Variants in SAMD12 observed in about 807,000 individuals in gnomAD.
SAMD12 encodes sterile alpha motif domain-containing protein 12.
Under a neutral mutation model 15.0 loss-of-function variants are expected in SAMD12, and 9 were observed. The ratio of observed to expected loss-of-function variants is 0.60; its 90% CI spans 0.36 to 1.05. The LOEUF (loss-of-function observed/expected upper bound fraction) is 1.05, where lower values mean the gene tolerates loss of function less well. SAMD12 is among the 50% of genes least tolerant of loss of function. The probability of loss-of-function intolerance (pLI) is 0.01; values close to 1 mark genes in which losing one functional copy is unlikely to be tolerated. For missense variants in SAMD12, 230 were observed against 234.2 expected, an observed-to-expected ratio of 0.98 and a Z score of 0.12; for synonymous variants, 86 against 90.1, an observed-to-expected ratio of 0.96 and a Z score of 0.25.
chr8:118,310,778 C>A (rs28558308), intron 4 of SAMD12, among the ~76,000 whole-genome samples: 73 of 152,156 alleles, frequency 4.8e-4, no homozygotes, highest in Admixed American at 9.2e-4. Flanking sequence ...CAACAATTTC[C>A]TAAGCATCTA....
At chr8:118,504,836 G>C (rs1376302561) in intron 2 of SAMD12, among the ~76,000 whole-genome samples, 1 of 152,168 alleles carries the variant, frequency 6.6e-6, no homozygotes, top group Non-Finnish European at 1.5e-5. Context: ...AGAGGCAAGG[G>C]ACAGATTCTC....
At chr8:118,424,084 G>A (rs1326340111) in intron 3 of SAMD12, among the ~76,000 whole-genome samples, 2 of 151,968 alleles carry the variant, frequency 1.3e-5, no homozygotes, top group Admixed American at 6.6e-5. Flanking sequence ...AACACACTGG[G>A]CAAGGCAAAA....
At chr8:118,592,292 C>T (rs1827601576) in intron 1 of SAMD12, among the ~76,000 whole-genome samples, 1 of 151,778 alleles carries the variant, frequency 6.6e-6, no homozygotes, top group South Asian at 2.1e-4. Flanking sequence ...AAAAGAAAAG[C>T]AAATAGAGGA....
At chr8:118,412,200 T>C (rs975604487) in intron 3 of SAMD12, among the ~76,000 whole-genome samples, 1 of 152,090 alleles carries the variant, frequency 6.6e-6, no homozygotes, top group African/African-American at 2.4e-5. Flanking sequence ...CAGACCTGTG[T>C]CTTTTGTGGT....
chr8:118,447,511 G>A (rs1028055903), intron 2 of SAMD12, among the ~76,000 whole-genome samples: 1 of 151,654 alleles, frequency 6.6e-6, no homozygotes, highest in Non-Finnish European at 1.5e-5. Context: ...CACCATGTTG[G>A]CCAGGTTGGT....
chr8:118,429,632 G>C (rs1166865456), intron 3 of SAMD12, among the ~76,000 whole-genome samples: 1 of 152,160 alleles, frequency 6.6e-6, no homozygotes, highest in Non-Finnish European at 1.5e-5. Context: ...GGTGGCTCAT[G>C]CCTGTAATCC....
chr8:118,328,950 T>A (rs1425822353), intron 4 of SAMD12, among the ~76,000 whole-genome samples: 3 of 152,186 alleles, frequency 2.0e-5, no homozygotes, highest in African/African-American at 7.2e-5. Context: ...AAGAAAAAGC[T>A]TCTCCTCAGC....
intron 2 of SAMD12, among the ~76,000 whole-genome samples, chr8:118,564,677 G>C (rs559021746): frequency 6.6e-6 from 1 of 152,194 alleles, no homozygotes; most frequent in Non-Finnish European, 1.5e-5. Flanking sequence ...TACAGCCTAA[G>C]AGTATGCAGC....
intron 4 of SAMD12, among the ~76,000 whole-genome samples, chr8:118,339,562 C>T (rs2450317): frequency 0.7 from 106,131 of 152,184 alleles, 38,008 homozygotes; most frequent in African/African-American, 0.86. Flanking sequence ...CGCCGCAGCT[C>T]TGAGGAGTGG....
intron 4 of SAMD12, among the ~76,000 whole-genome samples, chr8:118,207,178 T>A (rs1819884381): frequency 6.6e-6 from 1 of 152,272 alleles, no homozygotes; most frequent in Non-Finnish European, 1.5e-5. Context: ...CTCTGGGGAA[T>A]GTTTCCCTAG....
the SAMD12 span, among the ~76,000 whole-genome samples, chr8:118,156,054 T>A: frequency 6.6e-6 from 1 of 152,158 alleles, no homozygotes; most frequent in Non-Finnish European, 1.5e-5. Flanking sequence ...CAATGAATAA[T>A]CTCAAAGTCA....
At chr8:118,305,434 TTCTC>T (rs1455089208) in intron 4 of SAMD12, among the ~76,000 whole-genome samples, 1 of 152,228 alleles carries the variant, frequency 6.6e-6, no homozygotes, top group East Asian at 1.9e-4. Flanking sequence ...TTTTCAAGAT[TTCTC>T]TCTGTTATAG....
At chr8:118,172,304 C>T in the SAMD12 span, among the ~76,000 whole-genome samples, 1 of 152,004 alleles carries the variant, frequency 6.6e-6, no homozygotes, top group African/African-American at 2.4e-5. Context: ...TGTTTAATTT[C>T]AATATGGTTG....
chr8:118,255,638 A>G (rs1812920096), intron 4 of SAMD12, among the ~76,000 whole-genome samples: 1 of 150,926 alleles, frequency 6.6e-6, no homozygotes. Context: ...GTTTACTGAG[A>G]ATGATGATTT....
chr8:118,448,211 C>T (rs1019690874), intron 2 of SAMD12, among the ~76,000 whole-genome samples: 2 of 152,158 alleles, frequency 1.3e-5, no homozygotes, highest in African/African-American at 4.8e-5. Flanking sequence ...TGTTCAAATG[C>T]TCCATTTTCA....
chr8:118,610,108 G>A (rs1194869462), intron 1 of SAMD12, among the ~76,000 whole-genome samples: 1 of 152,144 alleles, frequency 6.6e-6, no homozygotes, highest in Non-Finnish European at 1.5e-5. Context: ...TACACTAATT[G>A]TGTGCTGGGG....
chr8:118,332,401 C>T (rs767051994), intron 4 of SAMD12, among the ~76,000 whole-genome samples: 2 of 152,214 alleles, frequency 1.3e-5, no homozygotes, highest in African/African-American at 2.4e-5. Flanking sequence ...TGACCAGCGT[C>T]GCTGCAGTGG....
chr8:118,549,372 C>T (rs888188696), intron 2 of SAMD12, among the ~76,000 whole-genome samples: 6 of 152,322 alleles, frequency 3.9e-5, no homozygotes, highest in Non-Finnish European at 5.9e-5. Flanking sequence ...TCGTGGTTCA[C>T]GAAAAACCAC....
intron 4 of SAMD12, among the ~76,000 whole-genome samples, chr8:118,315,731 C>A (rs1815860076): frequency 6.6e-6 from 1 of 152,038 alleles, no homozygotes; most frequent in Non-Finnish European, 1.5e-5. Flanking sequence ...GTGGAGGGAA[C>A]CCAAAGCTGA....
Sources: allele counts gnomAD v4.1 joint callset (sites outside exome capture counted in the v4.1 genomes callset), GRCh38; gene constraint gnomAD v4.1.1; transcripts MANE v1.5; gene names NCBI Gene and HGNC (gene_info 2026-07-23, HGNC 2026-07-21).